Variants in LRBA observed in about 807,000 individuals in gnomAD.
The protein encoded by LRBA is LPS responsive beige-like anchor protein.
LRBA carries 176 observed loss-of-function variants against 330.0 expected under a neutral mutation model. That is an observed-to-expected ratio of 0.53 (90% confidence interval 0.47 to 0.60). The LOEUF is 0.60. Among genes scored for constraint, LRBA ranks in the 20% least tolerant of loss-of-function variants. LRBA has a pLI of 0.00. For synonymous variants in LRBA, 1,230 were observed against 1,193.0 expected (o/e 1.03, Z -0.64); for missense variants, 3,259 against 3,444.8 (o/e 0.95, Z 1.35).
At chr4:150,519,402 A>G (rs1275134823) in intron 40 of LRBA, among the ~76,000 whole-genome samples, 1 of 151,994 alleles carries the variant, frequency 6.6e-6, no homozygotes, top group African/African-American at 2.4e-5. Flanking sequence ...CACTGTTCTC[A>G]TTTCTTTCAT....
At chr4:150,730,692 AAAAG>A (rs1730332883) in intron 36 of LRBA, among the ~76,000 whole-genome samples, 4 of 151,144 alleles carry the variant, frequency 2.6e-5, no homozygotes, top group African/African-American at 4.9e-5. Flanking sequence ...AAAAAAAAAA[AAAAG>A]AAAGAAAAGA....
At chr4:150,637,365 T>C (rs1778027840) in intron 37 of LRBA, among the ~76,000 whole-genome samples, 2 of 152,178 alleles carry the variant, frequency 1.3e-5, no homozygotes. Context: ...GTAGTGTATA[T>C]ACTGAATTTT....
chr4:150,641,377 CATTA>C (rs1215053695), intron 37 of LRBA, among the ~76,000 whole-genome samples: 1 of 152,070 alleles, frequency 6.6e-6, no homozygotes, highest in Non-Finnish European at 1.5e-5. Flanking sequence ...AAATTCTAGA[CATTA>C]ATTACATATA....
At chr4:150,560,146 T>C (rs1768127709) in intron 40 of LRBA, among the ~76,000 whole-genome samples, 3 of 150,562 alleles carry the variant, frequency 2.0e-5, no homozygotes, top group Non-Finnish European at 4.4e-5. Context: ...GAAAGGAGTA[T>C]AATGTGTACA....
intron 34 of LRBA, among the ~76,000 whole-genome samples, chr4:150,773,778 A>G (rs1421413417): frequency 6.6e-6 from 1 of 152,198 alleles, no homozygotes; most frequent in African/African-American, 2.4e-5. Flanking sequence ...GCATTCCAGA[A>G]CTTGGGAAAT....
At chr4:150,476,543 T>C (rs879205947) in intron 42 of LRBA, among the ~76,000 whole-genome samples, 1 of 152,132 alleles carries the variant, frequency 6.6e-6, no homozygotes, top group Admixed American at 6.6e-5. Context: ...ACCACCACTC[T>C]AGCCACACAG....
At chr4:150,521,010 C>T (rs1037030530) in intron 40 of LRBA, among the ~76,000 whole-genome samples, 1 of 151,930 alleles carries the variant, frequency 6.6e-6, no homozygotes, top group African/African-American at 2.4e-5. Context: ...TCTGTCTTCC[C>T]AGTAATTTGT....
At chr4:150,374,429 C>T (rs943516133) in intron 47 of LRBA, among the ~76,000 whole-genome samples, 1 of 152,132 alleles carries the variant, frequency 6.6e-6, no homozygotes, top group African/African-American at 2.4e-5. Context: ...ATGAAGTAGA[C>T]CCACCTTGAA....
chr4:150,908,777 A>G lies in LRBA; in HGVS notation c.1242T>C (p.Ser414=), dbSNP rs2127166669. Residue 414 remains serine, a synonymous_variant, in exon 10 of 57, where the codon TCT becomes TCC. Coordinates refer to ENST00000651943, the MANE Select transcript of LRBA (RefSeq NM_001364905.1). ...GATTGTACGTGAATGCAATGGCACTAGAGAGTTTCCCATCGTACAATAAAA... is the reference window on the plus strand; with the variant it reads ...GATTGTACGTGAATGCAATGGCACTGGAGAGTTTCCCATCGTACAATAAAA... The part of the protein sequence containing the change: ...HKLLLYDGKL[S]SAIAFTYNPR... 1 of 1,613,832 alleles carries G rather than the reference A, an allele frequency of 6.2e-7. No individual in the cohort carries two copies. The highest frequency in any genetic ancestry group is 8.5e-7 in the Non-Finnish European group (1 of 1,179,742).
intron 11 of LRBA, among the ~76,000 whole-genome samples, chr4:150,907,107 T>C (rs1731414143): frequency 1.3e-5 from 2 of 148,266 alleles, no homozygotes. Flanking sequence ...CAGTTGTTAC[T>C]GCCTTCTCAG....
At chr4:150,491,976 T>A (rs1759004683) in intron 40 of LRBA, among the ~76,000 whole-genome samples, 1 of 151,980 alleles carries the variant, frequency 6.6e-6, no homozygotes, top group Non-Finnish European at 1.5e-5. Flanking sequence ...ATCTCAAAAG[T>A]AACCACTATT....
At chr4:150,580,033 C>A in intron 40 of LRBA, 1 of 242,128 alleles carries the variant, frequency 4.1e-6, no homozygotes, top group Non-Finnish European at 8.3e-6. Context: ...GTTCCCAGAG[C>A]GCCGGCAAGG....
chr4:150,880,247 G>A (rs1579080501), intron 17 of LRBA, among the ~76,000 whole-genome samples: 1 of 152,170 alleles, frequency 6.6e-6, no homozygotes, highest in East Asian at 1.9e-4. Flanking sequence ...TTGGCCAAGT[G>A]TGGTGGTTGA....
In LRBA at chr4:150,639,945, C is replaced by T. The variant is rs1004972890; in HGVS notation, c.5922-40814G>A. Among the ~76,000 whole-genome samples, 5 of 145,362 alleles carry T rather than the reference C, an allele frequency of 3.4e-5. No individual in the cohort carries two copies. In the East Asian group the frequency reaches 8.1e-4, roughly 23 times the overall value. ...GATCTCTGCTCACTGCAACCTCCCC[C>T]TCCCGGGTTCAAGCGATTCTTTTGC... On this transcript the variant is annotated intron_variant, in intron 37 of 56. Transcript: ENST00000651943.
chr4:150,696,649 G>A (rs1028766147), intron 36 of LRBA, among the ~76,000 whole-genome samples: 23 of 152,102 alleles, frequency 1.5e-4, no homozygotes, highest in Admixed American at 6.6e-5. Flanking sequence ...TAAACTATGA[G>A]ATAACTGCTC....
chr4:150,301,454 A>AAATCT (rs1215711826), intron 53 of LRBA, among the ~76,000 whole-genome samples: 7 of 152,098 alleles, frequency 4.6e-5, no homozygotes, highest in Admixed American at 2.6e-4. Flanking sequence ...TTAAAACAGG[A>AAATCT]AATATCTATT....
intron 47 of LRBA, among the ~76,000 whole-genome samples, chr4:150,364,688 T>C (rs541345894): frequency 5.9e-5 from 9 of 152,338 alleles, no homozygotes; most frequent in South Asian, 4.1e-4. Context: ...TTCTTTCAAC[T>C]GGTTTTTTGC....
chr4:150,872,305 C>A (rs2127007498), intron 18 of LRBA, among the ~76,000 whole-genome samples: 2 of 152,228 alleles, frequency 1.3e-5, no homozygotes, highest in South Asian at 4.1e-4. Context: ...ACGCATACAG[C>A]AGAACACACT....
At chr4:150,339,313 G>A (rs898137645) in intron 48 of LRBA, among the ~76,000 whole-genome samples, 1 of 152,086 alleles carries the variant, frequency 6.6e-6, no homozygotes, top group Non-Finnish European at 1.5e-5. Flanking sequence ...AAAGTTACAC[G>A]AAGATCATTA....
Sources: allele counts gnomAD v4.1 joint callset (sites outside exome capture counted in the v4.1 genomes callset), GRCh38; gene constraint gnomAD v4.1.1; transcripts MANE v1.5; gene names NCBI Gene and HGNC (gene_info 2026-07-23, HGNC 2026-07-21).